Variants in FGF13 observed in about 807,000 individuals in gnomAD.
The protein encoded by FGF13 is fibroblast growth factor homologous factor 2.
A neutral mutation model predicts 19.5 loss-of-function variants in FGF13; 2 were observed. That is an observed-to-expected ratio of 0.10 (90% CI 0.04 to 0.32). The LOEUF (loss-of-function observed/expected upper bound fraction) is 0.32, where lower values mean the gene tolerates loss of function less well. Among genes scored for constraint, FGF13 ranks in the 10% least tolerant of loss-of-function variants. The pLI is 1.00. For missense variants in FGF13, 113 were observed against 192.7 expected (o/e 0.59, Z 2.45); for synonymous variants, 72 against 76.9 (o/e 0.94, Z 0.33).
chrX:138,674,459 G>A (rs1038451420), intron 3 of FGF13, among the ~76,000 whole-genome samples: 2 of 110,981 alleles, frequency 1.8e-5, no homozygotes, highest in Non-Finnish European at 3.8e-5. Context: ...GATTAATTAC[G>A]GTGGGAGAAA....
At chrX:139,182,054 T>TAATAAC (rs1271453867) in intron 1 of FGF13, among the ~76,000 whole-genome samples, 1 of 23,374 alleles carries the variant, frequency 4.3e-5, no homozygotes, top group Non-Finnish European at 7.6e-5. Flanking sequence ...AGAACTTAAG[T>TAATAAC]AATAATAATA....
At chrX:138,829,719 T>A (rs1386720047) in intron 3 of FGF13, among the ~76,000 whole-genome samples, 1 of 111,064 alleles carries the variant, frequency 9.0e-6, no homozygotes, top group African/African-American at 3.3e-5. Flanking sequence ...AATAAGCTTC[T>A]ATTCTATTTT....
intron 1 of FGF13, among the ~76,000 whole-genome samples, chrX:139,028,688 A>AGTGTGTGTGTGTGTGTGT (rs781223523): frequency 1.2e-5 from 1 of 80,690 alleles, no homozygotes; most frequent in Non-Finnish European, 2.3e-5. Flanking sequence ...TGTGAAAGAC[A>AGTGTGTGTGTGTGTGTGT]GTGTGTGTGT....
chrX:138,952,151 G>A (rs1297850762), intron 1 of FGF13, among the ~76,000 whole-genome samples: 1 of 111,482 alleles, frequency 9.0e-6, no homozygotes, highest in Non-Finnish European at 1.9e-5. Flanking sequence ...CAAAGCTAGA[G>A]GCATCATGCT....
intron 1 of FGF13, among the ~76,000 whole-genome samples, chrX:139,128,876 G>A (rs1569456004): frequency 9.0e-6 from 1 of 110,841 alleles, no homozygotes; most frequent in Non-Finnish European, 1.9e-5. Flanking sequence ...TTATAATAAT[G>A]ACAATGCTGG....
chrX:138,992,403 T>C (rs747014474), intron 1 of FGF13, among the ~76,000 whole-genome samples: 2 of 111,563 alleles, frequency 1.8e-5, no homozygotes, highest in Non-Finnish European at 3.8e-5. Context: ...AATTGAAAAG[T>C]TGTAGTTGGA....
chrX:139,030,421 C>A (rs1683234367), intron 1 of FGF13, among the ~76,000 whole-genome samples: 4 of 111,443 alleles, frequency 3.6e-5, no homozygotes, highest in Admixed American at 2.9e-4. Flanking sequence ...TGTGTGCCTG[C>A]AAACGATGTG....
chrX:139,164,193 G>A (rs111651316), intron 1 of FGF13, among the ~76,000 whole-genome samples: 1 of 107,036 alleles, frequency 9.3e-6, no homozygotes, highest in South Asian at 4.1e-4. Context: ...ACATGCTGGT[G>A]CGCTGCACCC....
chrX:138,875,755 C>T (rs909073318), intron 1 of FGF13, among the ~76,000 whole-genome samples: 2 of 111,375 alleles, frequency 1.8e-5, no homozygotes, highest in South Asian at 3.8e-4. Flanking sequence ...GAGTCATCAG[C>T]TTTTCTCTTG....
intron 3 of FGF13, among the ~76,000 whole-genome samples, chrX:138,780,814 C>T (rs1408395930): frequency 9.0e-6 from 1 of 111,039 alleles, no homozygotes; most frequent in East Asian, 2.8e-4. Flanking sequence ...ACCAAGCGGA[C>T]CGAATAGACA....
chrX:138,986,095 C>T, intron 1 of FGF13, among the ~76,000 whole-genome samples: 1 of 111,861 alleles, frequency 8.9e-6, no homozygotes, highest in Non-Finnish European at 1.9e-5. Flanking sequence ...AGATGAAGAA[C>T]TGGGGCATAG....
At chrX:139,029,531 C>T (rs189412725) in intron 1 of FGF13, among the ~76,000 whole-genome samples, 3 of 111,660 alleles carry the variant, frequency 2.7e-5, no homozygotes, top group Non-Finnish European at 5.7e-5. Context: ...TTGCTTTGGC[C>T]ACTTGTTTAG....
At chrX:138,991,138 G>A (rs188186953) in intron 1 of FGF13, among the ~76,000 whole-genome samples, 3 of 111,943 alleles carry the variant, frequency 2.7e-5, no homozygotes, top group East Asian at 2.8e-4. Flanking sequence ...TCACTACTCC[G>A]TTGATGCCTT....
intron 3 of FGF13, among the ~76,000 whole-genome samples, chrX:138,826,589 G>A (rs772142844): frequency 4.5e-5 from 5 of 111,745 alleles, no homozygotes; most frequent in East Asian, 2.8e-4. Context: ...CCGACTAAAC[G>A]GAAACAGAAA....
At chrX:139,107,760 G>A (rs2083570282) in intron 1 of FGF13, among the ~76,000 whole-genome samples, 1 of 110,726 alleles carries the variant, frequency 9.0e-6, no homozygotes, top group African/African-American at 3.3e-5. Flanking sequence ...AGATGATGGT[G>A]ATGATCACAA....
intron 1 of FGF13, among the ~76,000 whole-genome samples, chrX:139,100,041 AACACACACACACACACACACAC>A (rs56821859): frequency 7.9e-5 from 6 of 76,411 alleles, no homozygotes; most frequent in African/African-American, 3.0e-4. Flanking sequence ...GGGGAAAGCA[AACACACACACACACACACACAC>A]ACACACACAC....
intron 3 of FGF13, among the ~76,000 whole-genome samples, chrX:138,824,712 CAA>C (rs2091022469): frequency 9.9e-5 from 11 of 111,378 alleles, no homozygotes; most frequent in Admixed American, 5.7e-4. Flanking sequence ...TAAGTATATT[CAA>C]AGAGCCCATG....
upstream of FGF13, chrX:138,714,282 G>A (rs1408312092): frequency 1.8e-5 from 2 of 111,860 alleles, no homozygotes; most frequent in Non-Finnish European, 3.8e-5. Context: ...TCAATCTGGG[G>A]CAGAAAGTGA....
At chrX:138,868,224 A>G (rs1040726961) in intron 1 of FGF13, among the ~76,000 whole-genome samples, 1 of 111,461 alleles carries the variant, frequency 9.0e-6, no homozygotes, top group Non-Finnish European at 1.9e-5. Flanking sequence ...GATTATTTAC[A>G]TATCGATTCC....
Sources: gnomAD v4.1 joint callset for allele counts (sites outside exome capture counted in the v4.1 genomes callset) on GRCh38, gnomAD v4.1.1 for gene constraint, MANE v1.5 for transcripts, NCBI Gene and HGNC (gene_info 2026-07-23, HGNC 2026-07-21) for gene names.